Variants in FRMD6 observed in about 807,000 individuals in gnomAD.
FRMD6 encodes FERM domain-containing protein 6.
FRMD6 carries 37 observed loss-of-function variants against 73.2 expected under a neutral mutation model. That is an observed-to-expected ratio of 0.51 (90% CI 0.39 to 0.66). The LOEUF (loss-of-function observed/expected upper bound fraction) is 0.66, where lower values mean the gene tolerates loss of function less well. FRMD6 is among the 30% of genes least tolerant of loss of function. FRMD6 has a pLI of 0.00. For synonymous variants in FRMD6, 273 were observed against 282.2 expected, an observed-to-expected ratio of 0.97 and a Z score of 0.33; for missense variants, 714 against 780.5, an observed-to-expected ratio of 0.91 and a Z score of 1.02.
At chr14:51,410,448 C>T in the FRMD6 span, among the ~76,000 whole-genome samples, 125 of 152,304 alleles carry the variant, frequency 8.2e-4, no homozygotes, top group African/African-American at 2.6e-3. Flanking sequence ...AACCTTTAAA[C>T]TTTCATGTAA....
At chr14:51,624,844 G>T (rs1566509904) in intron 2 of FRMD6, among the ~76,000 whole-genome samples, 1 of 152,138 alleles carries the variant, frequency 6.6e-6, no homozygotes, top group Non-Finnish European at 1.5e-5. Context: ...AGAGAGGTTG[G>T]AAAAATGTGT....
At chr14:51,463,019 G>A in the FRMD6 span, among the ~76,000 whole-genome samples, 6 of 152,166 alleles carry the variant, frequency 3.9e-5, no homozygotes, top group African/African-American at 1.4e-4. Flanking sequence ...AATAAAATAA[G>A]CATTTGCCAT....
exon 2 of FRMD6, chr14:51,570,355 A>G (rs144232065): frequency 3.9e-5 from 6 of 152,292 alleles, no homozygotes; most frequent in African/African-American, 1.4e-4. Flanking sequence ...CAGCCTTCAT[A>G]TCTGTTTTTT....
intron 3 of FRMD6, among the ~76,000 whole-genome samples, chr14:51,699,702 T>C (rs777234972): frequency 1.3e-5 from 2 of 152,050 alleles, no homozygotes; most frequent in Non-Finnish European, 2.9e-5. Flanking sequence ...TATAAAGCTC[T>C]GGTCAGATTG....
intron 1 of FRMD6, among the ~76,000 whole-genome samples, chr14:51,683,137 A>G (rs544582661): frequency 1.3e-4 from 20 of 152,236 alleles, no homozygotes. Flanking sequence ...TAACTTCCCT[A>G]CCCAAAAGTA....
At chr14:51,423,073 C>T in the FRMD6 span, among the ~76,000 whole-genome samples, 1 of 152,216 alleles carries the variant, frequency 6.6e-6, no homozygotes, top group Non-Finnish European at 1.5e-5. Context: ...CTGACTTCTG[C>T]CAGCCTGCTT....
chr14:51,401,001 G>T, the FRMD6 span, among the ~76,000 whole-genome samples: 1 of 152,120 alleles, frequency 6.6e-6, no homozygotes, highest in Admixed American at 6.5e-5. Flanking sequence ...CCTAGAATTG[G>T]AACTACTGGG....
intron 1 of FRMD6, among the ~76,000 whole-genome samples, chr14:51,688,031 C>T (rs1490596368): frequency 1.3e-5 from 2 of 151,998 alleles, no homozygotes; most frequent in African/African-American, 4.8e-5. Flanking sequence ...ATTCTGTGTT[C>T]ATTACAAACA....
chr14:51,531,972 A>T (rs932364492), intron 1 of FRMD6, among the ~76,000 whole-genome samples: 9 of 152,238 alleles, frequency 5.9e-5, no homozygotes, highest in Admixed American at 5.2e-4. Flanking sequence ...ATTTATAATA[A>T]ACATATACTT....
intron 2 of FRMD6, among the ~76,000 whole-genome samples, chr14:51,641,796 G>A (rs1315928575): frequency 1.3e-5 from 2 of 152,160 alleles, no homozygotes; most frequent in African/African-American, 2.4e-5. Flanking sequence ...GTTGTAGGAC[G>A]TTGAGCAGCA....
chr14:51,585,922 C>CGTGTGTGTGTGTGTGTGTGTGTGT (rs1461002719), intron 2 of FRMD6, among the ~76,000 whole-genome samples: 1 of 10,788 alleles, frequency 9.3e-5, no homozygotes, highest in African/African-American at 2.4e-4. Context: ...TATGCCATGG[C>CGTGTGTGTGTGTGTGTGTGTGTGT]ATGTGTGTGT....
At chr14:51,579,530 A>C (rs28490527) in intron 2 of FRMD6, among the ~76,000 whole-genome samples, 57,652 of 152,064 alleles carry the variant, frequency 0.38, 11,797 homozygotes, top group African/African-American at 0.54. Flanking sequence ...TTATTTGTTT[A>C]CTTTAGATGA....
chr14:51,659,114 G>A (rs1469004445), intron 1 of FRMD6, among the ~76,000 whole-genome samples: 8 of 152,146 alleles, frequency 5.3e-5, no homozygotes, highest in African/African-American at 1.2e-4. Flanking sequence ...TGAGGTCTTC[G>A]AGATCAGTTC....
chr14:51,670,658 T>C (rs74636908), intron 1 of FRMD6, among the ~76,000 whole-genome samples: 3 of 151,958 alleles, frequency 2.0e-5, no homozygotes, highest in Non-Finnish European at 4.4e-5. Context: ...TTTTTTTTTT[T>C]TCTTTGAGAT....
At chr14:51,552,471 A>G (rs1447466006) in intron 1 of FRMD6, among the ~76,000 whole-genome samples, 1 of 152,204 alleles carries the variant, frequency 6.6e-6, no homozygotes, top group Non-Finnish European at 1.5e-5. Context: ...GGGGCTGGCA[A>G]TGATTTCACA....
chr14:51,624,508 C>T (rs1184114066), intron 2 of FRMD6, among the ~76,000 whole-genome samples: 1 of 152,192 alleles, frequency 6.6e-6, no homozygotes. Flanking sequence ...GAACTATCCC[C>T]TTCTTTCTTC....
At chr14:51,568,188 T>C (rs1236526016) in intron 1 of FRMD6, among the ~76,000 whole-genome samples, 1 of 152,258 alleles carries the variant, frequency 6.6e-6, no homozygotes, top group East Asian at 1.9e-4. Flanking sequence ...ATGTTGTTCC[T>C]TACAAGCCTT....
chr14:51,473,430 C>G, the FRMD6 span, among the ~76,000 whole-genome samples: 1 of 152,196 alleles, frequency 6.6e-6, no homozygotes, highest in Non-Finnish European at 1.5e-5. Context: ...CAGTGTTTCT[C>G]CAGAGGTCAC....
chr14:51,726,039 A>G (rs910527532), intron 13 of FRMD6, among the ~76,000 whole-genome samples, 169 bp downstream of exon 13: 1 of 152,182 alleles, frequency 6.6e-6, no homozygotes, highest in African/African-American at 2.4e-5. Flanking sequence ...CTTATTTGCT[A>G]GTTCTGCTTA....
Sources: allele counts gnomAD v4.1 joint callset (sites outside exome capture counted in the v4.1 genomes callset), GRCh38; gene constraint gnomAD v4.1.1; transcripts MANE v1.5; gene names NCBI Gene and HGNC (gene_info 2026-07-23, HGNC 2026-07-21).